Variants in MYO3B observed in about 807,000 individuals in gnomAD.
MYO3B encodes myosin IIIB, also known as myosin-IIIb.
Under a neutral mutation model 174.6 loss-of-function variants are expected in MYO3B, and 156 were observed. That is an observed-to-expected ratio of 0.89 (90% confidence interval 0.78 to 1.02). MYO3B has a LOEUF of 1.02. Among genes scored for constraint, MYO3B ranks in the 50% least tolerant of loss-of-function variants. The probability of loss-of-function intolerance (pLI) is 0.00; values close to 1 mark genes in which losing one functional copy is unlikely to be tolerated. For synonymous variants in MYO3B, 563 were observed against 569.1 expected, an observed-to-expected ratio of 0.99 and a Z score of 0.15; for missense variants, 1,632 against 1,639.4, an observed-to-expected ratio of 1.00 and a Z score of 0.08.
intron 23 of MYO3B, among the ~76,000 whole-genome samples, chr2:170,445,486 C>T (rs1318122198): frequency 1.3e-5 from 2 of 152,140 alleles, no homozygotes; most frequent in African/African-American, 2.4e-5. Context: ...GGATTACAGG[C>T]ATGCACCACC....
chr2:170,532,356 G>T (rs552712842), intron 30 of MYO3B, among the ~76,000 whole-genome samples: 1 of 152,286 alleles, frequency 6.6e-6, no homozygotes, highest in East Asian at 1.9e-4. Flanking sequence ...AATTTATTTT[G>T]CTATAGAAGA....
intron 7 of MYO3B, among the ~76,000 whole-genome samples, chr2:170,250,131 A>T (rs917405245): frequency 2.0e-5 from 3 of 152,260 alleles, no homozygotes; most frequent in Non-Finnish European, 2.9e-5. Flanking sequence ...AGTGTGTTTT[A>T]TGCATGAAGT....
intron 30 of MYO3B, among the ~76,000 whole-genome samples, chr2:170,540,412 T>C (rs1690012815): frequency 6.6e-6 from 1 of 152,122 alleles, no homozygotes; most frequent in Non-Finnish European, 1.5e-5. Flanking sequence ...GCAATAAGCA[T>C]TGGCTTTTTT....
At chr2:170,491,187 A>G (rs554970194) in intron 25 of MYO3B, among the ~76,000 whole-genome samples, 3 of 152,280 alleles carry the variant, frequency 2.0e-5, no homozygotes, top group African/African-American at 7.2e-5. Context: ...AGTTTTTAAC[A>G]CTATACATTT....
At chr2:170,475,943 T>G (rs1403922293) in intron 25 of MYO3B, among the ~76,000 whole-genome samples, 3 of 152,228 alleles carry the variant, frequency 2.0e-5, no homozygotes, top group Non-Finnish European at 4.4e-5. Flanking sequence ...AATCCTGCCC[T>G]TAGGTAAGAA....
chr2:170,418,925 T>C (rs918731613), intron 22 of MYO3B, among the ~76,000 whole-genome samples: 1 of 152,232 alleles, frequency 6.6e-6, no homozygotes, highest in Non-Finnish European at 1.5e-5. Context: ...GCAAGAGATG[T>C]CATAGTGGGG....
chr2:170,490,347 G>T (rs1686388222), intron 25 of MYO3B, among the ~76,000 whole-genome samples: 1 of 152,098 alleles, frequency 6.6e-6, no homozygotes, highest in Non-Finnish European at 1.5e-5. Flanking sequence ...GTTTCTAATT[G>T]TTTGTTGCTA....
intron 32 of MYO3B, among the ~76,000 whole-genome samples, chr2:170,569,376 TAGTC>T (rs1358247463): frequency 1.8e-4 from 27 of 152,306 alleles, no homozygotes; most frequent in Non-Finnish European, 2.9e-4. Flanking sequence ...GATACCCACT[TAGTC>T]AGTAACAGCC....
At chr2:170,426,642 A>T (rs1488185609) in intron 22 of MYO3B, among the ~76,000 whole-genome samples, 3 of 151,962 alleles carry the variant, frequency 2.0e-5, no homozygotes, top group Non-Finnish European at 4.4e-5. Flanking sequence ...TTTATTGTCT[A>T]TGTGAAGGAT....
intron 17 of MYO3B, 81 bp from the exon 18 acceptor site, chr2:170,401,397 ATAG>A: frequency 7.9e-7 from 1 of 1,273,744 alleles, no homozygotes; most frequent in Non-Finnish European, 1.1e-6. Flanking sequence ...AGTCTGGCAC[ATAG>A]TAGATGTTGA....
chr2:170,263,975 T>C (rs1426096600), intron 7 of MYO3B, among the ~76,000 whole-genome samples: 1 of 152,212 alleles, frequency 6.6e-6, no homozygotes, highest in African/African-American at 2.4e-5. Context: ...CAGAGATCCC[T>C]GTGGCCTTCC....
chr2:170,522,425 CCA>C (rs1688728438), intron 30 of MYO3B, among the ~76,000 whole-genome samples: 1 of 152,216 alleles, frequency 6.6e-6, no homozygotes, highest in Non-Finnish European at 1.5e-5. Flanking sequence ...AATCTCACTT[CCA>C]GTCATTTTCC....
intron 32 of MYO3B, among the ~76,000 whole-genome samples, chr2:170,613,280 C>A (rs1463258291): frequency 6.6e-6 from 1 of 152,208 alleles, no homozygotes; most frequent in Admixed American, 6.5e-5. Context: ...TTAGTTCCCA[C>A]CCCTACCTGC....
At chr2:170,197,018 GTT>G (rs35829763) in intron 1 of MYO3B, among the ~76,000 whole-genome samples, 2 of 144,214 alleles carry the variant, frequency 1.4e-5, no homozygotes, top group Non-Finnish European at 1.5e-5. Flanking sequence ...ATCTTTTCAG[GTT>G]TTTTTTTTTT....
At chr2:170,224,143 T>C (rs12469771) in intron 6 of MYO3B, among the ~76,000 whole-genome samples, 12,475 of 152,274 alleles carry the variant, frequency 0.082, 703 homozygotes, top group South Asian at 0.24. Context: ...AAGGAAACTT[T>C]CACTTACTGA....
At chr2:170,457,840 T>G (rs1464947847) in intron 23 of MYO3B, among the ~76,000 whole-genome samples, 1 of 152,160 alleles carries the variant, frequency 6.6e-6, no homozygotes. Context: ...CTACAACCTC[T>G]GCCTCCCGGG....
intron 1 of MYO3B, among the ~76,000 whole-genome samples, chr2:170,191,574 G>A (rs1311401054): frequency 6.6e-6 from 1 of 152,116 alleles, no homozygotes; most frequent in Admixed American, 6.5e-5. Context: ...TGCTGGCTGA[G>A]TTCTGCCTGG....
At chr2:170,199,566 C>G (rs1418471237) in intron 2 of MYO3B, among the ~76,000 whole-genome samples, 175 bp downstream of exon 2, 1 of 152,118 alleles carries the variant, frequency 6.6e-6, no homozygotes, top group Non-Finnish European at 1.5e-5. Flanking sequence ...TTAAAGCTTC[C>G]CTTGACTTTT....
At chr2:170,477,377 A>G (rs1010311055) in intron 25 of MYO3B, among the ~76,000 whole-genome samples, 4 of 152,208 alleles carry the variant, frequency 2.6e-5, no homozygotes, top group East Asian at 1.9e-4. Context: ...ATTAGAACCT[A>G]TAGTCTTATT....
Sources: allele counts gnomAD v4.1 joint callset (sites outside exome capture counted in the v4.1 genomes callset), GRCh38; gene constraint gnomAD v4.1.1; transcripts MANE v1.5; gene names NCBI Gene and HGNC (gene_info 2026-07-23, HGNC 2026-07-21).